Variants in DCDC2 observed in about 807,000 individuals in gnomAD.
The protein encoded by DCDC2 is doublecortin domain-containing protein 2.
Under a neutral mutation model 50.2 loss-of-function variants are expected in DCDC2, and 40 were observed. That is an observed-to-expected ratio of 0.80 (90% CI 0.62 to 1.04). DCDC2 has a LOEUF of 1.04. DCDC2 is among the 50% of genes least tolerant of loss of function. The pLI is 0.00. For missense variants in DCDC2, 570 were observed against 581.9 expected, an observed-to-expected ratio of 0.98 and a Z score of 0.21; for synonymous variants, 234 against 210.6, an observed-to-expected ratio of 1.11 and a Z score of -0.96.
intron 2 of DCDC2, among the ~76,000 whole-genome samples, chr6:24,304,037 C>A (rs1379757503): frequency 6.6e-6 from 1 of 152,186 alleles, no homozygotes; most frequent in Admixed American, 6.5e-5. Context: ...GCAATGCCTA[C>A]GAGTTGCACA....
intron 7 of DCDC2, among the ~76,000 whole-genome samples, chr6:24,269,405 T>C (rs1218520780): frequency 6.6e-6 from 1 of 152,150 alleles, no homozygotes; most frequent in Non-Finnish European, 1.5e-5. Flanking sequence ...AGTCTGGTCA[T>C]TGAAAGGGAA....
chr6:24,281,035 C>T (rs1763458141), intron 6 of DCDC2, among the ~76,000 whole-genome samples: 1 of 152,050 alleles, frequency 6.6e-6, no homozygotes, highest in Non-Finnish European at 1.5e-5. Flanking sequence ...AGGGGCACGA[C>T]AAGGGAGACG....
chr6:24,318,120 T>G (rs1759705358), intron 2 of DCDC2, among the ~76,000 whole-genome samples: 1 of 152,080 alleles, frequency 6.6e-6, no homozygotes, highest in Non-Finnish European at 1.5e-5. Context: ...TTCCCCCATC[T>G]TTTGGCCCAG....
intron 8 of DCDC2, among the ~76,000 whole-genome samples, chr6:24,199,056 G>A (rs1372077811): frequency 6.6e-6 from 1 of 152,238 alleles, no homozygotes; most frequent in African/African-American, 2.4e-5. Flanking sequence ...CAGAGCACCT[G>A]CGGGAAGCAG....
intron 2 of DCDC2, among the ~76,000 whole-genome samples, chr6:24,318,200 G>T (rs1256137579): frequency 6.6e-6 from 1 of 150,660 alleles, no homozygotes; most frequent in Non-Finnish European, 1.5e-5. Context: ...CATATTCACA[G>T]TTTTATTCAT....
intron 7 of DCDC2, among the ~76,000 whole-genome samples, chr6:24,258,725 A>G (rs1012669698): frequency 3.9e-5 from 6 of 152,170 alleles, no homozygotes; most frequent in South Asian, 2.1e-4. Context: ...GGTCACACAC[A>G]TAACTCTGAG....
chr6:24,172,734 C>A lies in DCDC2; in HGVS notation c.*1996G>T, dbSNP rs1832709. 0.082 allele frequency: 12,528 copies of A among 152,108 alleles called. 698 individuals are homozygous for A. The highest frequency in any genetic ancestry group is 0.18 in the East Asian group (931 of 5,182). 9.4% of individuals were successfully genotyped at this position (152,108 alleles called of 1,614,324 possible). A position where few individuals can be genotyped will look rare whatever the true frequency, so the allele number is the denominator to read the frequency against. On this transcript the variant is annotated 3_prime_UTR_variant, in exon 10 of 10. Transcript: ENST00000378454. The stretch of plus-strand genomic sequence containing the variant: ...TGGGACCGGGTGCTGTGGCTCACAC[C>A]TGTAATCCCAGCATTTTGGGATGCA...
At chr6:24,200,441 T>C (rs1367087232) in intron 8 of DCDC2, among the ~76,000 whole-genome samples, 1 of 152,182 alleles carries the variant, frequency 6.6e-6, no homozygotes. Context: ...TAAAATCCTT[T>C]ACAGGCGAGT....
At chr6:24,382,648 C>T in the DCDC2 span, among the ~76,000 whole-genome samples, 1 of 152,156 alleles carries the variant, frequency 6.6e-6, no homozygotes, top group Admixed American at 6.5e-5. Context: ...CTGGATTCAC[C>T]CTGTTTCAAA....
At chr6:24,309,868 G>A (rs1160640850) in intron 2 of DCDC2, among the ~76,000 whole-genome samples, 1 of 152,248 alleles carries the variant, frequency 6.6e-6, no homozygotes, top group South Asian at 2.1e-4. Context: ...GGTGGCCCAT[G>A]CCCATAATCC....
At position 24,254,777 on chromosome 6, in the gene DCDC2, T is replaced by A. The variant is rs75329364; in HGVS notation, c.922+23272A>T. Among the ~76,000 whole-genome samples, 1,252 of 152,228 alleles carry A rather than the reference T, an allele frequency of 8.2e-3. 9 individuals are homozygous for A. The highest frequency in any genetic ancestry group is 0.015 in the African/African-American group (605 of 41,556). ...AAAATAAAATATCACAGCCAATTTA[T>A]TCCAGAAATGCAAGGTTAGTTTGAT... On this transcript the variant is annotated intron_variant, in intron 7 of 9. Coordinates refer to ENST00000378454, the MANE Select transcript of DCDC2 (RefSeq NM_016356.5).
chr6:24,176,762 T>C (rs1760923440), intron 9 of DCDC2, among the ~76,000 whole-genome samples: 1 of 152,168 alleles, frequency 6.6e-6, no homozygotes, highest in African/African-American at 2.4e-5. Flanking sequence ...GACCAACATC[T>C]CTCCAACCCT....
chr6:24,234,934 A>G (rs1762412815), intron 7 of DCDC2, among the ~76,000 whole-genome samples: 2 of 152,200 alleles, frequency 1.3e-5, no homozygotes, highest in Non-Finnish European at 1.5e-5. Flanking sequence ...TAGAAATGAT[A>G]ACAAATAAAT....
chr6:24,207,254 CTT>C (rs1491201853), intron 7 of DCDC2, among the ~76,000 whole-genome samples: 60 of 143,136 alleles, frequency 4.2e-4, no homozygotes, highest in African/African-American at 1.5e-3. Context: ...CTCCATCTAT[CTT>C]TCTCTCTCTC....
At chr6:24,372,951 GA>G in the DCDC2 span, among the ~76,000 whole-genome samples, 1 of 152,066 alleles carries the variant, frequency 6.6e-6, no homozygotes, top group East Asian at 1.9e-4. Flanking sequence ...AAAAACATTT[GA>G]ATAGGCTCTT....
intron 4 of DCDC2, among the ~76,000 whole-genome samples, chr6:24,299,937 AAAAT>A (rs755409933): frequency 2.0e-5 from 3 of 152,004 alleles, no homozygotes; most frequent in African/African-American, 4.8e-5. Context: ...AATAAAAATA[AAAAT>A]AAATAAAATA....
chr6:24,285,146 T>C (rs151006860), intron 6 of DCDC2, among the ~76,000 whole-genome samples: 319 of 152,148 alleles, frequency 2.1e-3, no homozygotes, highest in African/African-American at 7.3e-3. Flanking sequence ...TGGCACTTAG[T>C]AGGAGCTCAG....
chr6:24,287,383 TCTCA>T (rs1472048960), intron 6 of DCDC2, among the ~76,000 whole-genome samples: 1 of 152,008 alleles, frequency 6.6e-6, no homozygotes, highest in Non-Finnish European at 1.5e-5. Context: ...TGAGACAGGG[TCTCA>T]CTCTGTTGCC....
intron 2 of DCDC2, among the ~76,000 whole-genome samples, chr6:24,347,478 C>G (rs1005739392): frequency 1.3e-5 from 2 of 152,096 alleles, no homozygotes; most frequent in Non-Finnish European, 1.5e-5. Flanking sequence ...GAAAAAAACT[C>G]AACATTTAAA....
Sources: allele counts gnomAD v4.1 joint callset (sites outside exome capture counted in the v4.1 genomes callset), GRCh38; gene constraint gnomAD v4.1.1; transcripts MANE v1.5; gene names NCBI Gene and HGNC (gene_info 2026-07-23, HGNC 2026-07-21).